FHOD3: variants seen among roughly 807,000 people sequenced by gnomAD.
The protein encoded by FHOD3 is formin homology 2 domain containing 3.
A neutral mutation model predicts 173.0 loss-of-function variants in FHOD3; 90 were observed. The ratio of observed to expected loss-of-function variants is 0.52; its 90% CI spans 0.44 to 0.62. FHOD3 has a LOEUF of 0.62. Ranked by LOEUF, FHOD3 falls within the 20% of genes least tolerant of loss-of-function variation. FHOD3 has a pLI of 0.00. For synonymous variants in FHOD3, 828 were observed against 823.0 expected (o/e 1.01, Z -0.10); for missense variants, 1,945 against 2,034.7 (o/e 0.96, Z 0.85).
intron 1 of FHOD3, among the ~76,000 whole-genome samples, chr18:36,301,191 C>T (rs1452935271): frequency 6.6e-6 from 1 of 152,134 alleles, no homozygotes; most frequent in Non-Finnish European, 1.5e-5. Context: ...TAAAGCTCTC[C>T]TAGGGATTCT....
chr18:36,298,106 G>C, intron 1 of FHOD3, 106 bp downstream of exon 1: 2 of 1,047,050 alleles, frequency 1.9e-6, no homozygotes, highest in Non-Finnish European at 2.6e-6. Flanking sequence ...TGGGCTGGGC[G>C]CGGCCCGGGG....
At chr18:36,611,347 C>T (rs79619209) in intron 8 of FHOD3, among the ~76,000 whole-genome samples, 3 of 152,158 alleles carry the variant, frequency 2.0e-5, no homozygotes, top group African/African-American at 7.2e-5. Flanking sequence ...CCAGGCATGG[C>T]CTTAGTAGGT....
intron 14 of FHOD3, among the ~76,000 whole-genome samples, chr18:36,680,014 G>A (rs147287640): frequency 6.6e-6 from 1 of 152,258 alleles, no homozygotes; most frequent in Non-Finnish European, 1.5e-5. Context: ...GGATACAGCA[G>A]GGAAGAATTC....
chr18:36,419,577 G>T (rs1599041711), intron 3 of FHOD3, among the ~76,000 whole-genome samples: 1 of 152,204 alleles, frequency 6.6e-6, no homozygotes, highest in South Asian at 2.1e-4. Context: ...CTTGTTACTT[G>T]TAATTTTTAG....
chr18:36,563,886 T>A (rs891895175), intron 5 of FHOD3, among the ~76,000 whole-genome samples: 1 of 152,130 alleles, frequency 6.6e-6, no homozygotes, highest in Non-Finnish European at 1.5e-5. Flanking sequence ...AATCTGGGTG[T>A]TTATGAGCTC....
At chr18:36,408,007 A>G (rs971499339) in intron 3 of FHOD3, among the ~76,000 whole-genome samples, 1 of 152,172 alleles carries the variant, frequency 6.6e-6, no homozygotes, top group Non-Finnish European at 1.5e-5. Flanking sequence ...TGTTTGACTG[A>G]GGCTCAGGAG....
At chr18:36,411,215 T>C (rs1390719345) in intron 3 of FHOD3, among the ~76,000 whole-genome samples, 1 of 152,212 alleles carries the variant, frequency 6.6e-6, no homozygotes, top group African/African-American at 2.4e-5. Flanking sequence ...TTTTTGCATA[T>C]GGATACCCAG....
At position 36,406,725 on chromosome 18, in the gene FHOD3, G is replaced by A. The variant is rs530059648; in HGVS notation, c.337+33981G>A. 9.9e-5 allele frequency among the ~76,000 whole-genome samples: 15 copies of A among 152,240 alleles called. No homozygotes were observed. In the East Asian group the frequency reaches 1.2e-3, roughly 12 times the overall value. On this transcript the variant is annotated intron_variant, in intron 3 of 28. Coordinates refer to ENST00000590592, the MANE Select transcript of FHOD3 (RefSeq NM_001281740.3). ...AATTATTGATAGTGCATATTCTGGC[G>A]GGCAGCTTGAGTCAGAACAGTCTAT...
At chr18:36,537,948 A>G (rs1221767408) in intron 5 of FHOD3, among the ~76,000 whole-genome samples, 1 of 152,206 alleles carries the variant, frequency 6.6e-6, no homozygotes, top group Non-Finnish European at 1.5e-5. Flanking sequence ...GGCTGTAAAA[A>G]TAAACCTCAA....
intron 3 of FHOD3, among the ~76,000 whole-genome samples, chr18:36,433,133 T>A (rs1351161190): frequency 1.3e-5 from 2 of 152,196 alleles, no homozygotes; most frequent in Non-Finnish European, 2.9e-5. Context: ...TAAACTGATT[T>A]GGAAACTTAA....
chr18:36,674,402 CAG>C (rs2037719403), intron 14 of FHOD3, among the ~76,000 whole-genome samples: 1 of 152,078 alleles, frequency 6.6e-6, no homozygotes, highest in Admixed American at 6.5e-5. Context: ...TTTTGAGAGA[CAG>C]GGTCTTGCTC....
intron 14 of FHOD3, among the ~76,000 whole-genome samples, chr18:36,666,148 ACT>A (rs1568574423): frequency 1.3e-5 from 2 of 152,270 alleles, no homozygotes; most frequent in African/African-American, 4.8e-5. Context: ...TCCACAGCAC[ACT>A]GCGTGAGCCC....
intron 1 of FHOD3, among the ~76,000 whole-genome samples, chr18:36,299,809 G>T (rs980243913): frequency 8.5e-5 from 13 of 152,310 alleles, no homozygotes; most frequent in African/African-American, 3.1e-4. Flanking sequence ...TTGGGGGCCA[G>T]CCAGCCTCAG....
chr18:36,500,479 A>C (rs1247454804), intron 3 of FHOD3, among the ~76,000 whole-genome samples: 1 of 152,208 alleles, frequency 6.6e-6, no homozygotes, highest in Non-Finnish European at 1.5e-5. Context: ...TTAGGCTAGA[A>C]TTGAAGCCCG....
chr18:36,660,601 CA>C (rs1450358608), intron 14 of FHOD3, among the ~76,000 whole-genome samples: 1 of 152,170 alleles, frequency 6.6e-6, no homozygotes, highest in Non-Finnish European at 1.5e-5. Flanking sequence ...AGTAGAGGTT[CA>C]GGCTTGCACG....
intron 19 of FHOD3, among the ~76,000 whole-genome samples, chr18:36,723,392 TG>T (rs911206919): frequency 5.3e-5 from 8 of 152,106 alleles, no homozygotes; most frequent in Non-Finnish European, 8.8e-5. Context: ...GGTGTGTGGA[TG>T]GGGGGCGGTT....
intron 18 of FHOD3, chr18:36,709,888 TTGAA>T (rs1266620373): frequency 8.4e-5 from 13 of 155,558 alleles, no homozygotes; most frequent in Admixed American, 6.9e-4. Flanking sequence ...TTTAAATGGA[TTGAA>T]TGAGTATTTC....
intron 14 of FHOD3, among the ~76,000 whole-genome samples, chr18:36,672,387 G>C (rs548472036): frequency 6.6e-6 from 1 of 152,106 alleles, no homozygotes; most frequent in Non-Finnish European, 1.5e-5. Flanking sequence ...GGTCTGAGCC[G>C]GGTTAACTTG....
intron 3 of FHOD3, among the ~76,000 whole-genome samples, chr18:36,486,224 C>T (rs1020609134): frequency 2.6e-4 from 39 of 152,240 alleles, no homozygotes; most frequent in African/African-American, 9.4e-4. Flanking sequence ...CCCCAACTGG[C>T]TTCTCCTCTC....
Sources: allele counts gnomAD v4.1 joint callset (sites outside exome capture counted in the v4.1 genomes callset), GRCh38; gene constraint gnomAD v4.1.1; transcripts MANE v1.5; gene names NCBI Gene and HGNC (gene_info 2026-07-23, HGNC 2026-07-21).